Variants in MAP3K13 observed in about 807,000 individuals in gnomAD.
The protein encoded by MAP3K13 is leucine zipper-bearing kinase.
Under a neutral mutation model 104.0 loss-of-function variants are expected in MAP3K13, and 52 were observed. That is an observed-to-expected ratio of 0.50 (90% CI 0.40 to 0.63). The LOEUF (loss-of-function observed/expected upper bound fraction) is 0.63. Among genes scored for constraint, MAP3K13 ranks in the 20% least tolerant of loss-of-function variants. The probability of loss-of-function intolerance (pLI) is 0.00; values close to 1 mark genes in which losing one functional copy is unlikely to be tolerated. For missense variants in MAP3K13, 914 were observed against 1,218.5 expected, an observed-to-expected ratio of 0.75 and a Z score of 3.72; for synonymous variants, 394 against 442.2, an observed-to-expected ratio of 0.89 and a Z score of 1.37.
At chr3:185,317,583 A>G (rs991528108) in intron 2 of MAP3K13, among the ~76,000 whole-genome samples, 8 of 152,262 alleles carry the variant, frequency 5.3e-5, no homozygotes, top group African/African-American at 1.4e-4. Context: ...TAACTTTAGC[A>G]TGATATATTA....
At chr3:185,377,285 G>A (rs1200399070) in intron 1 of MAP3K13, among the ~76,000 whole-genome samples, 3 of 152,174 alleles carry the variant, frequency 2.0e-5, no homozygotes, top group African/African-American at 7.2e-5. Context: ...TGTGGGATGG[G>A]ATATTGGCAT....
chr3:185,401,014 A>T (rs759347789), intron 1 of MAP3K13, among the ~76,000 whole-genome samples: 3 of 151,892 alleles, frequency 2.0e-5, no homozygotes, highest in Non-Finnish European at 2.9e-5. Context: ...CAAGAGGCAG[A>T]AGAGAATCAT....
intron 2 of MAP3K13, among the ~76,000 whole-genome samples, chr3:185,356,405 G>A (rs918258451): frequency 2.6e-5 from 4 of 152,232 alleles, no homozygotes; most frequent in African/African-American, 9.6e-5. Context: ...GGAGTAAGGA[G>A]GGAGGGATTG....
intron 8 of MAP3K13, among the ~76,000 whole-genome samples, chr3:185,464,206 T>C (rs1717277458): frequency 1.3e-5 from 2 of 152,178 alleles, no homozygotes; most frequent in East Asian, 3.9e-4. Context: ...GAGAATCACG[T>C]GAACCCAGGA....
intron 2 of MAP3K13, among the ~76,000 whole-genome samples, chr3:185,296,302 G>A (rs908973001): frequency 6.6e-6 from 1 of 152,088 alleles, no homozygotes; most frequent in African/African-American, 2.4e-5. Flanking sequence ...ATGAGCCCAA[G>A]TCCTTATAAT....
chr3:185,390,417 C>G (rs1182146176), intron 1 of MAP3K13, among the ~76,000 whole-genome samples: 1 of 152,168 alleles, frequency 6.6e-6, no homozygotes, highest in Non-Finnish European at 1.5e-5. Context: ...TGCCACTGCG[C>G]AGCCTCCCTC....
intron 4 of MAP3K13, 53 bp downstream of exon 4, chr3:185,443,689 A>G (rs574041234): frequency 2.0e-6 from 3 of 1,511,892 alleles, no homozygotes; most frequent in East Asian, 4.5e-5. Context: ...TTTGAAATAC[A>G]GAATTTTTAT....
At chr3:185,375,857 A>G (rs1245416183) in intron 1 of MAP3K13, among the ~76,000 whole-genome samples, 2 of 152,174 alleles carry the variant, frequency 1.3e-5, no homozygotes, top group Non-Finnish European at 2.9e-5. Context: ...TTCTGCCCAT[A>G]TAACAGCATG....
chr3:185,329,867 T>C (rs765725945), intron 2 of MAP3K13, among the ~76,000 whole-genome samples: 1 of 150,626 alleles, frequency 6.6e-6, no homozygotes, highest in African/African-American at 2.4e-5. Flanking sequence ...CTTTTAACTA[T>C]ATAAAAGGTC....
chr3:185,432,413 A>C (rs1714798676), intron 2 of MAP3K13, among the ~76,000 whole-genome samples: 1 of 150,502 alleles, frequency 6.6e-6, no homozygotes, highest in Non-Finnish European at 1.5e-5. Context: ...CTGGTCTTGA[A>C]CTCCTGACCT....
intron 1 of MAP3K13, among the ~76,000 whole-genome samples, chr3:185,365,010 GT>G (rs2108744537): frequency 6.6e-6 from 1 of 152,190 alleles, no homozygotes; most frequent in East Asian, 1.9e-4. Context: ...AAAAAATGTT[GT>G]TTAATAATCA....
chr3:185,471,759 C>T (rs1717807747), intron 10 of MAP3K13, among the ~76,000 whole-genome samples: 1 of 152,142 alleles, frequency 6.6e-6, no homozygotes, highest in Middle Eastern at 3.2e-3. Flanking sequence ...CACGCCCGGC[C>T]GACCTTTACT....
chr3:185,330,902 T>G (rs1191232307), intron 2 of MAP3K13, among the ~76,000 whole-genome samples: 2 of 152,072 alleles, frequency 1.3e-5, no homozygotes, highest in Non-Finnish European at 2.9e-5. Flanking sequence ...CTTGAACACA[T>G]CAGACCTGCT....
At chr3:185,299,359 A>G (rs1022350060) in intron 2 of MAP3K13, among the ~76,000 whole-genome samples, 1 of 152,276 alleles carries the variant, frequency 6.6e-6, no homozygotes, top group Non-Finnish European at 1.5e-5. Context: ...GTAACATTTC[A>G]GAATAACGGG....
intron 1 of MAP3K13, among the ~76,000 whole-genome samples, chr3:185,426,914 T>G (rs1003119758): frequency 6.6e-6 from 1 of 152,210 alleles, no homozygotes; most frequent in Non-Finnish European, 1.5e-5. Flanking sequence ...GTTCTGTCAT[T>G]TTTTGTTGGT....
Position 185,435,140 on chromosome 3 carries a change from A to G in MAP3K13, c.476-2307A>G, listed in dbSNP as rs1272482343. Among the ~76,000 whole-genome samples the G allele has an allele frequency of 2.7e-5, 4 of 150,044 alleles. No individual in the cohort carries two copies. In the South Asian group the frequency reaches 8.4e-4, roughly 32 times the overall value. On this transcript the variant is annotated intron_variant, in intron 2 of 13. Transcript: ENST00000265026. ...TGCCTCAGCCTCCTAAGCAGCTGGG[A>G]TTACAGGCCTGCACCACCATGCCTG...
chr3:185,338,645 C>T (rs1047424420), intron 2 of MAP3K13, among the ~76,000 whole-genome samples: 4 of 152,214 alleles, frequency 2.6e-5, no homozygotes, highest in African/African-American at 9.6e-5. Flanking sequence ...CAAATTAATT[C>T]TTCAATTTTG....
intron 2 of MAP3K13, among the ~76,000 whole-genome samples, chr3:185,305,381 A>G (rs1052230102): frequency 2.0e-5 from 3 of 152,220 alleles, no homozygotes; most frequent in African/African-American, 7.2e-5. Flanking sequence ...AACCATGTAC[A>G]AAAACTCTAC....
intron 7 of MAP3K13, among the ~76,000 whole-genome samples, chr3:185,455,744 T>A: frequency 3.3e-5 from 1 of 30,550 alleles, no homozygotes; most frequent in Non-Finnish European, 9.1e-5. Flanking sequence ...ATGAGATATA[T>A]ATATGATATA....
Sources: allele counts gnomAD v4.1 joint callset (sites outside exome capture counted in the v4.1 genomes callset), GRCh38; gene constraint gnomAD v4.1.1; transcripts MANE v1.5; gene names NCBI Gene and HGNC (gene_info 2026-07-23, HGNC 2026-07-21).